Variants in KMT2C observed in about 807,000 individuals in gnomAD.
KMT2C encodes lysine methyltransferase 2C, also known as histone-lysine N-methyltransferase 2C.
KMT2C carries 88 observed loss-of-function variants against 507.9 expected under a neutral mutation model. The ratio of observed to expected loss-of-function variants is 0.17; its 90% CI spans 0.15 to 0.21. KMT2C has a LOEUF of 0.21. KMT2C is among the 10% of genes least tolerant of loss of function. The probability of loss-of-function intolerance (pLI) is 1.00; values close to 1 mark genes in which losing one functional copy is unlikely to be tolerated. For synonymous variants in KMT2C, 2,049 were observed against 2,080.8 expected, an observed-to-expected ratio of 0.98 and a Z score of 0.42; for missense variants, 4,954 against 5,957.8, an observed-to-expected ratio of 0.83 and a Z score of 5.55.
chr7:152,367,161 T>C, intron 1 of KMT2C: 2 of 1,436,168 alleles, frequency 1.4e-6, no homozygotes, highest in South Asian at 1.2e-5. Flanking sequence ...CGAGGAAAAT[T>C]CTTCCAAGGA....
At chr7:152,300,591 T>C (rs1304384803) in intron 6 of KMT2C, among the ~76,000 whole-genome samples, 4 of 152,212 alleles carry the variant, frequency 2.6e-5, no homozygotes, top group Non-Finnish European at 4.4e-5. Flanking sequence ...TCTTTTGCCA[T>C]TGAGGTCTTT....
intron 14 of KMT2C, among the ~76,000 whole-genome samples, chr7:152,246,271 G>A (rs567413704): frequency 9.9e-5 from 15 of 152,134 alleles, no homozygotes; most frequent in African/African-American, 2.9e-4. Context: ...GCTGGAGGGA[G>A]GGAAAACACA....
chr7:152,253,620 G>A (rs1232257735), intron 9 of KMT2C, among the ~76,000 whole-genome samples: 1 of 151,646 alleles, frequency 6.6e-6, no homozygotes, highest in East Asian at 1.9e-4. Flanking sequence ...CTTGAGCCTA[G>A]GAGTTTGAGG....
chr7:152,359,866 T>G (rs544480608), intron 1 of KMT2C, among the ~76,000 whole-genome samples: 16 of 151,494 alleles, frequency 1.1e-4, no homozygotes, highest in African/African-American at 2.7e-4. Flanking sequence ...CTGGCCAACA[T>G]GGTGAAACTC....
At chr7:152,173,600 C>T (rs1258625432) in intron 39 of KMT2C, among the ~76,000 whole-genome samples, 2 of 152,186 alleles carry the variant, frequency 1.3e-5, no homozygotes, top group African/African-American at 4.8e-5. Context: ...ATAACCCCTA[C>T]TGTCTTCTTT....
chr7:152,362,237 A>C, intron 1 of KMT2C, among the ~76,000 whole-genome samples: 2 of 152,348 alleles, frequency 1.3e-5, no homozygotes, highest in Middle Eastern at 6.8e-3. Context: ...AACCATACAG[A>C]TATCTGGGAG....
chr7:152,138,041 C>T lies in KMT2C; in HGVS notation c.14643+755G>A, dbSNP rs1320376941. ...AAAGTCAAGTCACTCAGGTGCCTCA[C>T]TCCCCAAATGCGGGACGTTTCCTAC... is the stretch of plus-strand genomic sequence containing the variant. On this transcript the variant is annotated intron_variant, in intron 58 of 58. Transcript: ENST00000262189. The surrounding 1 kb of genome is among the most constrained non-coding windows in gnomAD (Gnocchi z 4.2). The T allele has an allele frequency of 5.3e-5, 8 of 152,230 alleles. No individual in the cohort carries two copies. The highest frequency in any genetic ancestry group is 1.2e-4 in the Non-Finnish European group (8 of 68,052). The allele number at this position is 152,230 out of a possible 1,614,324, so 9.4% of individuals were successfully genotyped here.
Position 152,196,119 on chromosome 7 carries a change from T to C in KMT2C, c.4274-108A>G, listed in dbSNP as rs567497087. 39 of 485,202 alleles carry C rather than the reference T, an allele frequency of 8.0e-5. No individual in the cohort carries two copies. In the South Asian group the frequency reaches 2.1e-3, roughly 26 times the overall value. 30.1% of individuals were successfully genotyped at this position (485,202 alleles called of 1,614,324 possible). ...ATACTGAGTGAGGCAAGTACTGGAA[T>C]AAAAACCTGAGACTCTTAATTTTAC... is the stretch of plus-strand genomic sequence containing the variant. On this transcript the variant is annotated intron_variant, in intron 27 of 58. Coordinates refer to ENST00000262189, the MANE Select transcript of KMT2C (RefSeq NM_170606.3).
rs576414714 is a variant in KMT2C, at chr7:152,144,480, A to C, written c.14343+233T>G. ...CTCCCAGGAGCTCTCAACAAGATGC[A>C]AAGATGTGGATTCCACTGGTCTGCT... On this transcript the variant is annotated intron_variant, in intron 55 of 58. Coordinates refer to ENST00000262189, the MANE Select transcript of KMT2C (RefSeq NM_170606.3). The surrounding 1 kb of genome is among the most constrained non-coding windows in gnomAD (Gnocchi z 4.4). Among the ~76,000 whole-genome samples, 12 of 152,380 alleles carry C rather than the reference A, an allele frequency of 7.9e-5. No individual in the cohort carries two copies. The highest frequency in any genetic ancestry group is 2.4e-4 in the African/African-American group (10 of 41,588).
Position 152,251,985 on chromosome 7 carries a change from A to T in KMT2C, c.1575T>A (p.Asp525Glu), listed in dbSNP as rs1240014419. Residue 525 changes from aspartate (D) to glutamate (E), a missense_variant, in exon 11 of 59, where the codon GAT (aspartate) becomes GAA (glutamate). Asp to Glu is a conservative substitution (Grantham distance 45). Around this residue, in one of 29 missense-constraint regions of KMT2C, gnomAD observed 376 missense variants for 352.4 expected, o/e 1.07. Transcript: ENST00000262189. ...MYCKHLGAEM[D>E]RLQPGEEVEI... ...CCACTTCCTCACCTGGCTGTAAACGATCCATCTCAGCTCCCAGGTGTTTAC... is the reference window on the plus strand; with the variant it reads ...CCACTTCCTCACCTGGCTGTAAACGTTCCATCTCAGCTCCCAGGTGTTTAC... The T allele has an allele frequency of 1.2e-6, 2 of 1,612,974 alleles. No homozygotes were observed. The highest frequency in any genetic ancestry group is 2.7e-5 in the African/African-American group (2 of 74,896).
rs1412548449 is a variant in KMT2C at position 152,396,293 on chromosome 7, T to A, written c.162-37618A>T. Among the ~76,000 whole-genome samples, 3 of 152,234 alleles carry A rather than the reference T, an allele frequency of 2.0e-5. No individual in the cohort carries two copies. In the East Asian group the frequency reaches 5.8e-4, roughly 29 times the overall value. On this transcript the variant is annotated intron_variant, in intron 1 of 58. Coordinates refer to ENST00000262189, the MANE Select transcript of KMT2C (RefSeq NM_170606.3). ...CAAAAGATATTTTGACAGAAAAAAA[T>A]TAATTAAAAAATACATAAATGAAAA...
intron 1 of KMT2C, among the ~76,000 whole-genome samples, chr7:152,362,313 T>C (rs531858993): frequency 2.0e-5 from 3 of 151,952 alleles, no homozygotes; most frequent in African/African-American, 7.2e-5. Flanking sequence ...TGAGGGGGGT[T>C]AGAGGGACAA....
rs371097852 is a variant in KMT2C, at chr7:152,146,755, T to A, written c.13895-20A>T. On this transcript the variant is annotated intron_variant, in intron 52 of 58. Transcript: ENST00000262189. ...AGACACCTACACAGGGACAAAAACA[T>A]AATTTTTATAGGAAATAGGATACAG... 28 of 1,608,548 alleles carry A rather than the reference T, an allele frequency of 1.7e-5. No homozygotes were observed. The highest frequency in any genetic ancestry group is 2.3e-5 in the Non-Finnish European group (27 of 1,176,312).
intron 2 of KMT2C, among the ~76,000 whole-genome samples, chr7:152,355,304 A>G (rs2097143000): frequency 6.6e-6 from 1 of 152,220 alleles, no homozygotes; most frequent in Non-Finnish European, 1.5e-5. Flanking sequence ...ATTTCCAGAG[A>G]GGACACACTA....
rs1474567778 is a variant in KMT2C, at chr7:152,163,290, C to T, written c.10287G>A (p.Met3429Ile). ...VDRQRALQQR[M>I]EMEQHGMVGS... is the part of the protein sequence containing the mutation. ...CCACCATACCATGCTGCTCCATTTC[C>T]ATCCTCTGCTGCAAAGCTCTTTGTC... Residue 3429 changes from methionine (M) to isoleucine (I), a missense_variant, in exon 43 of 59, where the codon ATG (methionine) becomes ATA (isoleucine). This residue lies in a region of KMT2C where 801 missense variants were observed against 751.2 expected (regional missense o/e 1.07). Transcript: ENST00000262189. The T allele has an allele frequency of 1.2e-6, 2 of 1,614,196 alleles. No homozygotes were observed. The highest frequency in any genetic ancestry group is 1.1e-5 in the South Asian group (1 of 91,074).
chr7:152,269,889 A>G (rs1406702403), intron 7 of KMT2C, among the ~76,000 whole-genome samples: 5 of 152,204 alleles, frequency 3.3e-5, no homozygotes, highest in African/African-American at 1.2e-4. Flanking sequence ...AAGAGAAGAG[A>G]TAAATAAAAA....
At position 152,309,231 on chromosome 7, in the gene KMT2C, C is replaced by T. The variant is rs182900674; in HGVS notation, c.849+735G>A. Among the ~76,000 whole-genome samples the T allele has an allele frequency of 2.5e-3, 380 of 151,608 alleles. 1 individual carries two copies. Among genetic ancestry groups the T allele is most frequent in the Non-Finnish European group, 2.9e-3 (197 of 67,914 alleles). On this transcript the variant is annotated intron_variant, in intron 6 of 58. Transcript: ENST00000262189. ...ATTTTCATTTCTAAAATTTTAATTT[C>T]TAATTTAAATGTAAACTACTTATTT...
intron 23 of KMT2C, among the ~76,000 whole-genome samples, chr7:152,211,048 A>C (rs1438608982): frequency 7.2e-6 from 1 of 139,410 alleles, no homozygotes; most frequent in East Asian, 1.9e-4. Context: ...AGTGCCTAAC[A>C]AAACAGATTT....
At chr7:152,229,366 T>A (rs1250633419) in intron 18 of KMT2C, among the ~76,000 whole-genome samples, 2 of 152,160 alleles carry the variant, frequency 1.3e-5, no homozygotes, top group African/African-American at 4.8e-5. Context: ...CCTGTCCATA[T>A]TTAAAACCAA....
Sources: allele counts gnomAD v4.1 joint callset (sites outside exome capture counted in the v4.1 genomes callset), GRCh38; gene constraint gnomAD v4.1.1; regional missense constraint gnomAD v4.1.1; non-coding constraint Gnocchi (gnomAD v3.1); transcripts MANE v1.5; gene names NCBI Gene and HGNC (gene_info 2026-07-23, HGNC 2026-07-21).